The following AKR1C3 variants were observed in gnomAD, a reference collection of about 807,000 sequenced individuals.
The protein encoded by AKR1C3 is 3-alpha hydroxysteroid dehydrogenase, type II.
AKR1C3 carries 48 observed loss-of-function variants against 43.6 expected under a neutral mutation model. That is an observed-to-expected ratio of 1.10 (90% CI 0.87 to 1.40). AKR1C3 has a LOEUF of 1.40. Among genes scored for constraint, AKR1C3 ranks in the 40% most tolerant of loss-of-function variants. The probability of loss-of-function intolerance (pLI) is 0.00; values close to 1 mark genes in which losing one functional copy is unlikely to be tolerated. For synonymous variants in AKR1C3, 162 were observed against 139.6 expected (o/e 1.16, Z -1.13); for missense variants, 482 against 391.2 (o/e 1.23, Z -1.96).
intron 1 of AKR1C3, chr10:5,077,934 A>T: frequency 1.6e-6 from 1 of 645,092 alleles, no homozygotes; most frequent in South Asian, 1.8e-5. Context: ...TCATCAAATG[A>T]ATCTTCAGCC....
intron 1 of AKR1C3, among the ~76,000 whole-genome samples, chr10:5,059,031 TCTTTA>T (rs1554779945): frequency 1.3e-5 from 2 of 152,208 alleles, no homozygotes; most frequent in African/African-American, 4.8e-5. Context: ...ACACCTTTTG[TCTTTA>T]CTTATATGAA....
At chr10:5,056,857 G>T (rs1554779648) in intron 1 of AKR1C3, among the ~76,000 whole-genome samples, 1 of 152,212 alleles carries the variant, frequency 6.6e-6, no homozygotes, top group Admixed American at 6.5e-5. Flanking sequence ...AACTGAGGAG[G>T]TGAGAGAAAT....
intron 1 of AKR1C3, among the ~76,000 whole-genome samples, chr10:5,050,059 G>A (rs577951487): frequency 5.9e-5 from 9 of 152,042 alleles, no homozygotes; most frequent in Non-Finnish European, 8.8e-5. Flanking sequence ...CTTATATCAT[G>A]TTCTCCCAAA....
chr10:5,105,777 T>C, intron 8 of AKR1C3, 100 bp downstream of exon 8: 1 of 880,516 alleles, frequency 1.1e-6, no homozygotes, highest in Non-Finnish European at 1.8e-6. Flanking sequence ...CAGAGGCCAA[T>C]GTGAGTCAGA....
intron 1 of AKR1C3, among the ~76,000 whole-genome samples, chr10:5,083,033 T>A (rs909760463): frequency 1.2e-4 from 18 of 152,144 alleles, no homozygotes; most frequent in Non-Finnish European, 2.4e-4. Context: ...TGATTCAATG[T>A]TGGGAGGTTG....
rs1403672771 is a variant in AKR1C3, at chr10:5,061,091, C to T, written c.84+12196C>T. 3.3e-5 allele frequency among the ~76,000 whole-genome samples: 5 copies of T among 152,342 alleles called. No homozygotes were observed. The South Asian group carries it at 6.2e-4, about 19-fold the overall frequency. ...TGGCCAGCCCAGAAAGGGGCTCCCA[C>T]AGTGCAGCGGCGGGCTGAAGGGCTC... On this transcript the variant is annotated intron_variant, in intron 1 of 8. Transcript: ENST00000439082.
chr10:5,094,471 G>T lies in AKR1C3; in HGVS notation c.27G>T (p.Lys9Asn), dbSNP rs193920842. 1.9e-6 allele frequency: 3 copies of T among 1,612,572 alleles called. No individual in the cohort carries two copies. The African/African-American group carries it at 4.0e-5, about 22-fold the overall frequency. MDSKHQCV[K>N]LNDGHFMPVL... is the part of the protein sequence containing the mutation. ...TGGATTCCAAACACCAGTGTGTAAAGCTAAATGATGGCCACTTCATGCCTG... is the reference window on the plus strand; with the variant it reads ...TGGATTCCAAACACCAGTGTGTAAATCTAAATGATGGCCACTTCATGCCTG... Residue 9 changes from lysine to asparagine, a missense_variant, in exon 1 of 9, where the codon AAG becomes AAT. Physicochemically the swap from Lys to Asn is moderately conservative, Grantham distance 94. Coordinates refer to ENST00000380554, the MANE Select transcript of AKR1C3 (RefSeq NM_003739.6).
chr10:5,049,219 A>C (rs144929928), intron 1 of AKR1C3, among the ~76,000 whole-genome samples: 1 of 152,298 alleles, frequency 6.6e-6, no homozygotes, highest in Non-Finnish European at 1.5e-5. Flanking sequence ...AATTGATGGC[A>C]ATAGAAGTGG....
At chr10:5,094,656 G>A (rs782572504) in intron 1 of AKR1C3, 128 bp downstream of exon 1, 8 of 1,005,192 alleles carry the variant, frequency 8.0e-6, no homozygotes, top group Non-Finnish European at 8.9e-6. Context: ...GGTTTCCTAG[G>A]CTAGGAGAAA....
chr10:5,090,674 G>C (rs1230457764), upstream of AKR1C3, among the ~76,000 whole-genome samples: 2 of 152,038 alleles, frequency 1.3e-5, no homozygotes, highest in Non-Finnish European at 2.9e-5. Flanking sequence ...ATCTGGTTGG[G>C]TCAGCCCAGT....
chr10:5,103,654 TCACCTCAGCACA>T (rs1839416028), intron 7 of AKR1C3, among the ~76,000 whole-genome samples: 1 of 152,180 alleles, frequency 6.6e-6, no homozygotes, highest in Admixed American at 6.5e-5. Flanking sequence ...AGCCCAGACT[TCACCTCAGCACA>T]TGGCATGACC....
At chr10:5,087,735 C>T (rs996975005) in intron 1 of AKR1C3, among the ~76,000 whole-genome samples, 3 of 151,810 alleles carry the variant, frequency 2.0e-5, no homozygotes, top group Middle Eastern at 3.2e-3. Flanking sequence ...TGTTAGCTAG[C>T]TGACTATCAA....
At position 5,105,767 on chromosome 10, in the gene AKR1C3, C is replaced by T. The variant is rs1335268068; in HGVS notation, c.929+90C>T. ...GAGAGTGACCTCCATACCAGAGGGA[C>T]AGAGGCCAATGTGAGTCAGAGGTGA... On this transcript the variant is annotated intron_variant, in intron 8 of 8. Transcript: ENST00000380554. 7.3e-5 allele frequency: 71 copies of T among 977,004 alleles called. No homozygotes were observed. The Admixed American group carries it at 1.4e-3, about 19-fold the overall frequency. 60.5% of individuals were successfully genotyped at this position (977,004 alleles called of 1,614,324 possible).
upstream of AKR1C3, among the ~76,000 whole-genome samples, chr10:5,091,661 A>T (rs1839092337): frequency 6.6e-6 from 1 of 152,150 alleles, no homozygotes; most frequent in Non-Finnish European, 1.5e-5. Flanking sequence ...CTACTTTGAA[A>T]GCAATGCCAA....
intron 1 of AKR1C3, among the ~76,000 whole-genome samples, chr10:5,059,955 T>G (rs1485083126): frequency 6.6e-6 from 1 of 152,110 alleles, no homozygotes; most frequent in Admixed American, 6.5e-5. Context: ...TTTTTCCTTC[T>G]GATGTTTGGA....
chr10:5,050,335 T>A (rs1240893854), intron 1 of AKR1C3, among the ~76,000 whole-genome samples: 1 of 152,016 alleles, frequency 6.6e-6, no homozygotes, highest in Non-Finnish European at 1.5e-5. Flanking sequence ...CTGAGAATAA[T>A]GAAATTTTAA....
chr10:5,103,603 G>A (rs1839414134), intron 7 of AKR1C3, among the ~76,000 whole-genome samples: 1 of 152,226 alleles, frequency 6.6e-6, no homozygotes, highest in Middle Eastern at 3.4e-3. Flanking sequence ...ATTTGTCTGG[G>A]TGCCATTTTC....
chr10:5,107,414 T>G, intron 8 of AKR1C3, 47 bp from the exon 9 acceptor site: 1 of 1,318,526 alleles, frequency 7.6e-7, no homozygotes, highest in Non-Finnish European at 1.1e-6. Context: ...ACTACTCCCC[T>G]AGTAATGGAG....
At position 5,102,125 on chromosome 10, in the gene AKR1C3, C is replaced by T. The variant is rs199934766; in HGVS notation, c.595C>T (p.Arg199Trp). The T allele has an allele frequency of 4.6e-5, 74 of 1,613,468 alleles. No individual in the cohort carries two copies. The highest frequency in any genetic ancestry group is 3.6e-4 in the African/African-American group (27 of 75,022). Residue 199 changes from arginine to tryptophan, a missense_variant, in exon 6 of 9, where the codon CGG (arginine) becomes TGG (tryptophan). Coordinates refer to ENST00000380554, the MANE Select transcript of AKR1C3 (RefSeq NM_003739.6). The part of the protein sequence containing the change: ...NQVECHPYFN[R>W]SKLLDFCKSK... ...GGTAGAATGTCATCCGTATTTCAACCGGAGTAAATTGCTAGATTTCTGCAA... is the reference window on the plus strand; with the variant it reads ...GGTAGAATGTCATCCGTATTTCAACTGGAGTAAATTGCTAGATTTCTGCAA...
Sources: allele counts gnomAD v4.1 joint callset (sites outside exome capture counted in the v4.1 genomes callset), GRCh38; gene constraint gnomAD v4.1.1; transcripts MANE v1.5; gene names NCBI Gene and HGNC (gene_info 2026-07-23, HGNC 2026-07-21).